L3MBTL4: variants seen among roughly 807,000 people sequenced by gnomAD.
The protein encoded by L3MBTL4 is lethal(3)malignant brain tumor-like protein 4.
L3MBTL4 carries 70 observed loss-of-function variants against 84.5 expected under a neutral mutation model. That is an observed-to-expected ratio of 0.83 (90% CI 0.68 to 1.01). The LOEUF is 1.01. Among genes scored for constraint, L3MBTL4 ranks in the 50% least tolerant of loss-of-function variants. The probability of loss-of-function intolerance (pLI) is 0.00; values close to 1 mark genes in which losing one functional copy is unlikely to be tolerated. For synonymous variants in L3MBTL4, 274 were observed against 259.8 expected (o/e 1.05, Z -0.52); for missense variants, 715 against 754.8 (o/e 0.95, Z 0.62).
At chr18:6,172,747 C>G (rs1039164236) in intron 12 of L3MBTL4, among the ~76,000 whole-genome samples, 3 of 152,128 alleles carry the variant, frequency 2.0e-5, no homozygotes, top group African/African-American at 7.2e-5. Flanking sequence ...ATAATTATTT[C>G]TTTTAAAAAA....
intron 14 of L3MBTL4, among the ~76,000 whole-genome samples, chr18:6,111,829 A>G (rs190296154): frequency 3.9e-5 from 6 of 152,208 alleles, no homozygotes; most frequent in Admixed American, 1.3e-4. Flanking sequence ...TACCTCTCAT[A>G]CTTATTTTTT....
rs2056110342 is a variant in L3MBTL4, at chr18:6,414,494, G to C, written c.-91+307C>G. Among the ~76,000 whole-genome samples the C allele has an allele frequency of 6.6e-6, 1 of 152,110 alleles. No homozygotes were observed. The highest frequency in any genetic ancestry group is 2.4e-5 in the African/African-American group (1 of 41,450). The stretch of plus-strand genomic sequence containing the variant: ...TAGCCGCGCCTGGCACCCCGACCCT[G>C]CCCTCGCGGCTGACCGAGGCGCCGG... On this transcript the variant is annotated intron_variant, in intron 1 of 18. Coordinates refer to ENST00000317931, the MANE Select transcript of L3MBTL4 (RefSeq NM_001330559.2). The surrounding 1 kb of genome is among the most constrained non-coding windows in gnomAD (Gnocchi z 5.4).
intron 5 of L3MBTL4, among the ~76,000 whole-genome samples, chr18:6,255,183 G>A (rs148139080): frequency 5.2e-4 from 79 of 152,238 alleles, no homozygotes; most frequent in African/African-American, 1.7e-3. Context: ...ACAAGAAGTC[G>A]TGTCTACCCT....
chr18:5,998,530 G>A (rs992885113), intron 16 of L3MBTL4, among the ~76,000 whole-genome samples: 1 of 152,118 alleles, frequency 6.6e-6, no homozygotes, highest in Non-Finnish European at 1.5e-5. Flanking sequence ...CTTAACCAAA[G>A]GGTGGTTAAC....
chr18:6,167,583 A>T (rs1233749544), intron 13 of L3MBTL4, among the ~76,000 whole-genome samples: 2 of 152,214 alleles, frequency 1.3e-5, no homozygotes, highest in African/African-American at 4.8e-5. Flanking sequence ...AAACCACATG[A>T]TTATCTCAAT....
At chr18:6,247,532 G>A (rs1442805767) in intron 5 of L3MBTL4, among the ~76,000 whole-genome samples, 1 of 134,940 alleles carries the variant, frequency 7.4e-6, no homozygotes, top group African/African-American at 2.8e-5. Flanking sequence ...AGGCTGGAGC[G>A]CAATGGTGCC....
chr18:6,402,322 T>C (rs776143024), intron 1 of L3MBTL4, among the ~76,000 whole-genome samples: 3 of 152,230 alleles, frequency 2.0e-5, no homozygotes, highest in Non-Finnish European at 4.4e-5. Context: ...AAAGTTAAGA[T>C]AGAAAGTTCC....
intron 17 of L3MBTL4, among the ~76,000 whole-genome samples, chr18:5,962,577 T>G (rs2095268915): frequency 6.6e-6 from 1 of 152,204 alleles, no homozygotes; most frequent in African/African-American, 2.4e-5. Flanking sequence ...GCTTTCACGC[T>G]GACTGCAGTC....
rs545662748 is a variant in L3MBTL4, at chr18:6,195,204, C to A, written c.981+17945G>T. ...TTGAGAGCAACACAGTTCAAGAGAC[C>A]ATGATCTGAGCTGCCAGTCCATCAG... On this transcript the variant is annotated intron_variant, in intron 12 of 18. Transcript: ENST00000317931. 2.0e-5 allele frequency among the ~76,000 whole-genome samples: 3 copies of A among 152,232 alleles called. No homozygotes were observed. In the South Asian group the frequency reaches 6.2e-4, roughly 32 times the overall value.
At chr18:6,010,567 G>C (rs1462681344) in intron 16 of L3MBTL4, among the ~76,000 whole-genome samples, 4 of 152,098 alleles carry the variant, frequency 2.6e-5, no homozygotes, top group African/African-American at 9.7e-5. Flanking sequence ...TGACAGATCT[G>C]GTTTCAATCT....
intron 1 of L3MBTL4, among the ~76,000 whole-genome samples, chr18:6,351,164 C>T (rs2053165052): frequency 1.3e-5 from 2 of 151,664 alleles, no homozygotes; most frequent in South Asian, 4.1e-4. Flanking sequence ...CCACTGCACT[C>T]CAGCCTGGGA....
intron 16 of L3MBTL4, among the ~76,000 whole-genome samples, chr18:5,972,644 TAGCAGGTCTAATGTCTTCTAC>T (rs1351606409): frequency 1.3e-5 from 2 of 152,138 alleles, no homozygotes; most frequent in Non-Finnish European, 2.9e-5. Context: ...TTGTACTCTT[TAGCAGGTCTAATGTCTTCTAC>T]AGCTGATGAT....
chr18:6,319,092 T>C (rs1001921774), intron 1 of L3MBTL4, among the ~76,000 whole-genome samples: 1 of 152,052 alleles, frequency 6.6e-6, no homozygotes, highest in Non-Finnish European at 1.5e-5. Context: ...GTGACAACAG[T>C]GACACAAATT....
At chr18:6,168,360 G>A (rs1195419249) in intron 13 of L3MBTL4, among the ~76,000 whole-genome samples, 5 of 152,012 alleles carry the variant, frequency 3.3e-5, no homozygotes, top group East Asian at 3.8e-4. Flanking sequence ...AAAAGAGCCC[G>A]CATTGCCAAG....
intron 16 of L3MBTL4, among the ~76,000 whole-genome samples, chr18:5,997,033 T>A (rs574856261): frequency 6.6e-6 from 1 of 151,096 alleles, no homozygotes; most frequent in Non-Finnish European, 1.5e-5. Context: ...TTCAACCAAT[T>A]GCAGGTTGAA....
chr18:6,237,339 T>C (rs1001913376), intron 10 of L3MBTL4, among the ~76,000 whole-genome samples: 3 of 152,052 alleles, frequency 2.0e-5, no homozygotes, highest in Non-Finnish European at 4.4e-5. Context: ...TTAGATAAAT[T>C]ATGTAAGTAG....
At chr18:5,974,685 C>T (rs1335202066) in intron 16 of L3MBTL4, among the ~76,000 whole-genome samples, 1 of 152,186 alleles carries the variant, frequency 6.6e-6, no homozygotes, top group East Asian at 1.9e-4. Context: ...AAGTATTCAG[C>T]CAGGTGCAGT....
chr18:6,023,802 T>A (rs2055375118), intron 16 of L3MBTL4, among the ~76,000 whole-genome samples: 1 of 152,194 alleles, frequency 6.6e-6, no homozygotes, highest in Non-Finnish European at 1.5e-5. Context: ...ATGTTCCAAG[T>A]GGGATCTGAA....
At chr18:6,343,984 C>A in intron 1 of L3MBTL4, among the ~76,000 whole-genome samples, 1 of 120,176 alleles carries the variant, frequency 8.3e-6, no homozygotes, top group African/African-American at 3.5e-5. Context: ...CTTTATACTT[C>A]AAGGAGCTAG....
Sources: allele counts gnomAD v4.1 joint callset (sites outside exome capture counted in the v4.1 genomes callset), GRCh38; gene constraint gnomAD v4.1.1; non-coding constraint Gnocchi (gnomAD v3.1); transcripts MANE v1.5; gene names NCBI Gene and HGNC (gene_info 2026-07-23, HGNC 2026-07-21).